Variants in C6orf89 observed in about 807,000 individuals in gnomAD.
C6orf89 encodes bombesin receptor-activated protein C6orf89.
A neutral mutation model predicts 40.7 loss-of-function variants in C6orf89; 29 were observed. The ratio of observed to expected loss-of-function variants is 0.71; its 90% CI spans 0.53 to 0.97. The LOEUF is 0.97. C6orf89 is among the 50% of genes least tolerant of loss of function. C6orf89 has a pLI of 0.00. For synonymous variants in C6orf89, 165 were observed against 152.2 expected (o/e 1.08, Z -0.62); for missense variants, 392 against 429.1 (o/e 0.91, Z 0.76).
chr6:36,886,674 T>G (rs975006011), intron 1 of C6orf89, among the ~76,000 whole-genome samples: 1 of 152,242 alleles, frequency 6.6e-6, no homozygotes, highest in Non-Finnish European at 1.5e-5. Context: ...AATATGTTTC[T>G]TTTAAAGTAT....
chr6:36,916,439 C>A lies in C6orf89; in HGVS notation c.696-6C>A. ...ATTACTTTTTTTCTGTTTCATACTT[C>A]TACAGGAGGAGACCTCTGAACAGAT... On this transcript the variant is annotated splice_region_variant and splice_polypyrimidine_tract_variant and intron_variant, in intron 6 of 8. Transcript: ENST00000480824. 1 of 1,614,042 alleles carries A rather than the reference C, an allele frequency of 6.2e-7. No individual in the cohort carries two copies. The highest frequency in any genetic ancestry group is 8.5e-7 in the Non-Finnish European group (1 of 1,179,954).
At chr6:36,896,327 C>T (rs1761429582) in intron 2 of C6orf89, among the ~76,000 whole-genome samples, 2 of 152,146 alleles carry the variant, frequency 1.3e-5, no homozygotes, top group Non-Finnish European at 2.9e-5. Context: ...AGGCTGATCT[C>T]GAACTCCTGA....
At chr6:36,885,081 T>C (rs1774925751), upstream of C6orf89, among the ~76,000 whole-genome samples, 1 of 152,200 alleles carries the variant, frequency 6.6e-6, no homozygotes, top group African/African-American at 2.4e-5. Context: ...GCAAACTAAA[T>C]ATGGCCTGAG....
At chr6:36,902,892 A>G (rs1301107305) in intron 4 of C6orf89, among the ~76,000 whole-genome samples, 1 of 152,010 alleles carries the variant, frequency 6.6e-6, no homozygotes, top group Non-Finnish European at 1.5e-5. Flanking sequence ...GGTATATCCC[A>G]CTCTTTCAGT....
intron 8 of C6orf89, among the ~76,000 whole-genome samples, chr6:36,922,775 T>C (rs907950612): frequency 6.6e-6 from 1 of 152,226 alleles, no homozygotes; most frequent in African/African-American, 2.4e-5. Flanking sequence ...ATCTGGATGT[T>C]CTGTAATGAA....
chr6:36,908,783 T>C (rs6904504), intron 4 of C6orf89, among the ~76,000 whole-genome samples: 37,870 of 152,058 alleles, frequency 0.25, 5,003 homozygotes, highest in African/African-American at 0.31. Flanking sequence ...TAGGGCCACG[T>C]CCCCTCTCAA....
chr6:36,913,958 C>T (rs1409981563), intron 4 of C6orf89, among the ~76,000 whole-genome samples: 3 of 152,148 alleles, frequency 2.0e-5, no homozygotes, highest in Non-Finnish European at 4.4e-5. Flanking sequence ...CCCAGGAATT[C>T]AAGACCAGCC....
At chr6:36,891,199 T>C (rs1278781808) in intron 1 of C6orf89, among the ~76,000 whole-genome samples, 1 of 152,136 alleles carries the variant, frequency 6.6e-6, no homozygotes, top group African/African-American at 2.4e-5. Flanking sequence ...TGTGTCCAAG[T>C]GTTCTCATTA....
chr6:36,871,972 G>T, intron 1 of C6orf89: 2 of 1,138,330 alleles, frequency 1.8e-6, no homozygotes, highest in Non-Finnish European at 2.3e-6. Flanking sequence ...AAGCTTGTAA[G>T]TCATGAAATT....
At chr6:36,899,357 G>T in intron 2 of C6orf89, 69 bp from the exon 3 acceptor site, 1 of 1,435,426 alleles carries the variant, frequency 7.0e-7, no homozygotes, top group Non-Finnish European at 9.8e-7. Context: ...TGGTCAAGTA[G>T]CTTTGAAGAG....
intron 2 of C6orf89, among the ~76,000 whole-genome samples, chr6:36,880,120 T>C (rs1436681675): frequency 6.6e-6 from 1 of 152,214 alleles, no homozygotes; most frequent in Non-Finnish European, 1.5e-5. Flanking sequence ...ACCTAGGAAG[T>C]TACCTTTGGT....
chr6:36,903,376 C>G (rs946168496), intron 4 of C6orf89, among the ~76,000 whole-genome samples: 3 of 152,096 alleles, frequency 2.0e-5, no homozygotes, highest in African/African-American at 7.2e-5. Flanking sequence ...ATTGTGTAAC[C>G]ATGATCCGAA....
At chr6:36,883,086 C>T (rs1774869788), upstream of C6orf89, 1 of 152,150 alleles carries the variant, frequency 6.6e-6, no homozygotes, top group Admixed American at 6.5e-5. Flanking sequence ...AAAAGCTTTC[C>T]CATGCAATAG....
At chr6:36,910,586 G>T (rs190172333) in intron 4 of C6orf89, among the ~76,000 whole-genome samples, 1 of 152,162 alleles carries the variant, frequency 6.6e-6, no homozygotes, top group East Asian at 1.9e-4. Flanking sequence ...AAATTAGCTG[G>T]GTGTGATGGC....
chr6:36,911,963 G>T (rs183244843), intron 4 of C6orf89, among the ~76,000 whole-genome samples: 1 of 140,964 alleles, frequency 7.1e-6, no homozygotes, highest in African/African-American at 2.6e-5. Context: ...CTAAAAAAGG[G>T]CAAAACCAAA....
chr6:36,897,145 A>G (rs950428841), intron 2 of C6orf89, among the ~76,000 whole-genome samples: 3 of 151,662 alleles, frequency 2.0e-5, no homozygotes, highest in African/African-American at 2.4e-5. Context: ...AAAAAAAAAA[A>G]AAAAAAGAAA....
In C6orf89 at chr6:36,886,045, C is replaced by T. The variant is rs1774970081; in HGVS notation, c.-120+17C>T. On this transcript the variant is annotated intron_variant, in intron 1 of 8. Transcript: ENST00000480824. ...GCCCCGCATGTGAGTGACTGGGGCCCGAGGCTGGGTGGGGGGAGGCCGCCC... is the reference window on the plus strand; with the variant it reads ...GCCCCGCATGTGAGTGACTGGGGCCTGAGGCTGGGTGGGGGGAGGCCGCCC... The T allele has an allele frequency of 1.6e-6, 2 of 1,247,580 alleles. No homozygotes were observed. The highest frequency in any genetic ancestry group is 1.0e-6 in the Non-Finnish European group (1 of 994,158). 77.3% of individuals were successfully genotyped at this position (1,247,580 alleles called of 1,614,324 possible). A position where few individuals can be genotyped will look rare whatever the true frequency, so the allele number is the denominator to read the frequency against.
rs1258168371 is a variant in C6orf89 at position 36,924,750 on chromosome 6, G to A, written c.*1309G>A. ...ATGAAGAAAAAGCAAACTACACTTT[G>A]GCCTCTGGTTCTGAATTGCAGAAAT... On this transcript the variant is annotated 3_prime_UTR_variant, in exon 9 of 9. Transcript: ENST00000480824. The A allele has an allele frequency of 1.3e-5, 2 of 152,070 alleles. No homozygotes were observed. The highest frequency in any genetic ancestry group is 6.6e-5 in the Admixed American group (1 of 15,258). The allele number at this position is 152,070 out of a possible 1,614,324, so 9.4% of individuals were successfully genotyped here.
At chr6:36,917,152 TG>T (rs1762354679) in intron 7 of C6orf89, among the ~76,000 whole-genome samples, 1 of 152,204 alleles carries the variant, frequency 6.6e-6, no homozygotes, top group Non-Finnish European at 1.5e-5. Context: ...AGAGATTAAG[TG>T]AGTTGCCCAA....
Sources: allele counts gnomAD v4.1 joint callset (sites outside exome capture counted in the v4.1 genomes callset), GRCh38; gene constraint gnomAD v4.1.1; transcripts MANE v1.5; gene names NCBI Gene and HGNC (gene_info 2026-07-23, HGNC 2026-07-21).